Variants in CELF5 observed in about 807,000 individuals in gnomAD.
The protein encoded by CELF5 is CUGBP Elav-like family member 5.
A neutral mutation model predicts 54.9 loss-of-function variants in CELF5; 6 were observed. That is an observed-to-expected ratio of 0.11 (90% CI 0.06 to 0.22). The LOEUF is 0.22. CELF5 is among the 10% of genes least tolerant of loss of function. CELF5 has a pLI of 1.00. For missense variants in CELF5, 401 were observed against 678.6 expected (o/e 0.59, Z 4.54); for synonymous variants, 271 against 290.9 (o/e 0.93, Z 0.70).
chr19:3,295,000 G>A, intron 12 of CELF5: 1 of 152,256 alleles, frequency 6.6e-6, no homozygotes, highest in African/African-American at 2.4e-5. Flanking sequence ...GTCCACCTGT[G>A]TGGCCCCGTT....
intron 12 of CELF5, chr19:3,294,604 T>C (rs1415766182): frequency 6.6e-6 from 1 of 152,104 alleles, no homozygotes; most frequent in Non-Finnish European, 1.5e-5. Context: ...AAAGCTGCTC[T>C]CTGCGATCCC....
intron 1 of CELF5, among the ~76,000 whole-genome samples, chr19:3,236,393 G>A (rs868183235): frequency 2.6e-5 from 4 of 152,104 alleles, no homozygotes; most frequent in South Asian, 4.1e-4. Context: ...GGCTCAGAGA[G>A]GTTAAGTGGC....
At chr19:3,276,930 T>A (rs2080065872) in intron 4 of CELF5, among the ~76,000 whole-genome samples, 2 of 152,048 alleles carry the variant, frequency 1.3e-5, no homozygotes, top group South Asian at 4.1e-4. Flanking sequence ...CCCTGTGGTC[T>A]CAGATTCCTC....
rs35144942 is a variant in CELF5 at position 3,289,681 on chromosome 19, C to CAAAAAAAAAA, written c.1187-525_1187-516dup. Among the ~76,000 whole-genome samples the CAAAAAAAAAA allele has an allele frequency of 1.8e-3, 84 of 47,130 alleles. 9 individuals carry two copies. The highest frequency in any genetic ancestry group is 3.5e-3 in the African/African-American group (35 of 10,010). The allele number at this position is 47,130 out of a possible 152,430, so 30.9% of individuals were successfully genotyped here. On this transcript the variant is annotated intron_variant, in intron 10 of 12. Coordinates refer to ENST00000292672, the MANE Select transcript of CELF5 (RefSeq NM_021938.4). The stretch of plus-strand genomic sequence containing the variant: ...TGGGCGACAGAGCGAGACTCCATCT[C>CAAAAAAAAAA]AAAAAAAAAAAAAAAAAAAAAAAAA...
intron 10 of CELF5, chr19:3,286,545 TG>T (rs1233474143): frequency 1.3e-5 from 2 of 152,878 alleles, no homozygotes; most frequent in African/African-American, 4.8e-5. Flanking sequence ...AAGACCAGCC[TG>T]GCTTAGCAAG....
chr19:3,294,848 A>T (rs1474218462), intron 12 of CELF5: 1 of 152,186 alleles, frequency 6.6e-6, no homozygotes, highest in Non-Finnish European at 1.5e-5. Flanking sequence ...GGGCTTGGTG[A>T]TGGTGACATT....
At chr19:3,236,376 C>A (rs1424887575) in intron 1 of CELF5, among the ~76,000 whole-genome samples, 1 of 152,076 alleles carries the variant, frequency 6.6e-6, no homozygotes, top group East Asian at 1.9e-4. Flanking sequence ...GTGGATGAGA[C>A]TGTGAAGGCT....
intron 1 of CELF5, among the ~76,000 whole-genome samples, chr19:3,241,065 C>CT (rs529201613): frequency 0.014 from 1,956 of 139,426 alleles, 35 homozygotes; most frequent in African/African-American, 0.042. Flanking sequence ...AAGATCAGTT[C>CT]TTTTTTTTTT....
chr19:3,281,423 CTCTCCCTCCA>C lies in CELF5; in HGVS notation c.750+86_750+95del. 6.7e-7 allele frequency: 1 copy of C among 1,489,290 alleles called. No homozygotes were observed. Among genetic ancestry groups the C allele is most frequent in the Non-Finnish European group, 9.1e-7 (1 of 1,098,076 alleles). 92.3% of individuals were successfully genotyped at this position (1,489,290 alleles called of 1,614,324 possible). A position where few individuals can be genotyped will look rare whatever the true frequency, so the allele number is the denominator to read the frequency against. On this transcript the variant is annotated intron_variant, in intron 6 of 12. Transcript: ENST00000292672. The surrounding 1 kb of genome is among the most constrained non-coding windows in gnomAD (Gnocchi z 6.5). ...TGTCTACTCTCTGTCGGGCTCCTGC[CTCTCCCTCCA>C]TCTCCCTGACTCAGGGTCCTCTCCT...
chr19:3,276,348 T>C (rs2080052393), intron 4 of CELF5, among the ~76,000 whole-genome samples: 1 of 145,908 alleles, frequency 6.9e-6, no homozygotes, highest in African/African-American at 2.6e-5. Context: ...TCTGAGGATG[T>C]AGCCCTGGAG....
At chr19:3,263,412 T>G (rs1156576560) in intron 2 of CELF5, among the ~76,000 whole-genome samples, 1 of 150,536 alleles carries the variant, frequency 6.6e-6, no homozygotes, top group Non-Finnish European at 1.5e-5. Flanking sequence ...ATACAAAAAA[T>G]TAGCCAGGCA....
intron 1 of CELF5, among the ~76,000 whole-genome samples, chr19:3,247,918 C>A (rs1371698887): frequency 1.3e-5 from 2 of 151,900 alleles, no homozygotes; most frequent in African/African-American, 4.8e-5. Flanking sequence ...CCCACCACCA[C>A]ACCTGGCTAA....
intron 2 of CELF5, among the ~76,000 whole-genome samples, chr19:3,261,646 C>A (rs1486226578): frequency 6.6e-6 from 1 of 151,790 alleles, no homozygotes; most frequent in Non-Finnish European, 1.5e-5. Flanking sequence ...ATAGAGAGAT[C>A]CCATCTCTAC....
intron 1 of CELF5, among the ~76,000 whole-genome samples, chr19:3,233,457 T>C (rs1917365961): frequency 6.6e-6 from 1 of 152,108 alleles, no homozygotes; most frequent in Non-Finnish European, 1.5e-5. Flanking sequence ...AAACTAAAGA[T>C]GTGTGTTGGG....
At chr19:3,291,440 C>T (rs1568367637) in intron 11 of CELF5, among the ~76,000 whole-genome samples, 6 of 151,828 alleles carry the variant, frequency 4.0e-5, no homozygotes, top group Admixed American at 1.3e-4. Context: ...GTGGTGGGTG[C>T]CTGTAATCCC....
chr19:3,281,979 C>A lies in CELF5; in HGVS notation c.751-147C>A. 1 of 863,280 alleles carries A rather than the reference C, an allele frequency of 1.2e-6. No individual in the cohort carries two copies. The highest frequency in any genetic ancestry group is 1.9e-6 in the Non-Finnish European group (1 of 530,848). The allele number at this position is 863,280 out of a possible 1,614,324, so 53.5% of individuals were successfully genotyped here. A position where few individuals can be genotyped will look rare whatever the true frequency, so the allele number is the denominator to read the frequency against. ...CTCTGCTCCCAGGCTGAGCCTTGATCCCAGTCTGAGCTCCAATTCTGATCT... is the reference window on the plus strand; with the variant it reads ...CTCTGCTCCCAGGCTGAGCCTTGATACCAGTCTGAGCTCCAATTCTGATCT... On this transcript the variant is annotated intron_variant, in intron 6 of 12. Coordinates refer to ENST00000292672, the MANE Select transcript of CELF5 (RefSeq NM_021938.4). This position sits in a 1 kb window ranked among gnomAD's most constrained non-coding sequence, Gnocchi z 6.5.
chr19:3,273,410 G>A (rs904816094), intron 2 of CELF5, among the ~76,000 whole-genome samples: 2 of 152,024 alleles, frequency 1.3e-5, no homozygotes, highest in Non-Finnish European at 2.9e-5. Flanking sequence ...CCACCTGGCA[G>A]TCTCAGAGTT....
intron 1 of CELF5, among the ~76,000 whole-genome samples, chr19:3,237,916 G>A (rs1339944417): frequency 6.6e-6 from 1 of 151,992 alleles, no homozygotes; most frequent in African/African-American, 2.4e-5. Context: ...GGGCCTGGTG[G>A]CGGGCGCCTA....
intron 1 of CELF5, among the ~76,000 whole-genome samples, chr19:3,241,363 G>A (rs1466746244): frequency 6.6e-6 from 1 of 151,514 alleles, no homozygotes; most frequent in Admixed American, 6.6e-5. Flanking sequence ...TTACAGGTGT[G>A]AGCCACCGCG....
Sources: gnomAD v4.1 joint callset for allele counts (sites outside exome capture counted in the v4.1 genomes callset) on GRCh38, gnomAD v4.1.1 for gene constraint, Gnocchi (gnomAD v3.1) non-coding constraint, MANE v1.5 for transcripts, NCBI Gene and HGNC (gene_info 2026-07-23, HGNC 2026-07-21) for gene names.